The following CDC42EP4 variants were observed in gnomAD, a reference collection of about 807,000 sequenced individuals.
CDC42EP4 encodes the protein CDC42 effector protein 4.
CDC42EP4 carries 6 observed loss-of-function variants against 5.6 expected under a neutral mutation model. The ratio of observed to expected loss-of-function variants is 1.07; its 90% CI spans 0.59 to 2.12. CDC42EP4 has a LOEUF of 2.12. Among genes scored for constraint, CDC42EP4 ranks in the 30% most tolerant of loss-of-function variants. The pLI is 0.00. For missense variants in CDC42EP4, 490 were observed against 508.6 expected (o/e 0.96, Z 0.35); for synonymous variants, 230 against 224.2 (o/e 1.03, Z -0.23).
chr17:73,288,154 G>A (rs989725807), intron 1 of CDC42EP4, among the ~76,000 whole-genome samples: 7 of 152,046 alleles, frequency 4.6e-5, no homozygotes, highest in African/African-American at 1.4e-4. Context: ...TGCCCCCCAC[G>A]GCACTTTGGG....
intron 1 of CDC42EP4, among the ~76,000 whole-genome samples, chr17:73,300,480 T>C (rs570934685): frequency 1.4e-3 from 216 of 152,294 alleles, no homozygotes; most frequent in African/African-American, 5.0e-3. Flanking sequence ...ACTTTATGCC[T>C]TCTCTCTATG....
At chr17:73,301,218 A>C (rs2062217776) in intron 1 of CDC42EP4, among the ~76,000 whole-genome samples, 1 of 152,224 alleles carries the variant, frequency 6.6e-6, no homozygotes, top group Non-Finnish European at 1.5e-5. Flanking sequence ...ATAGTGAGTC[A>C]AAATGTACCA....
intron 1 of CDC42EP4, among the ~76,000 whole-genome samples, chr17:73,310,610 G>A (rs537303370): frequency 6.6e-6 from 1 of 152,256 alleles, no homozygotes; most frequent in African/African-American, 2.4e-5. Context: ...CAGAGGCAAC[G>A]AGAAAAGAAA....
At chr17:73,299,429 TAAA>T (rs1286695604) in intron 1 of CDC42EP4, among the ~76,000 whole-genome samples, 1 of 113,362 alleles carries the variant, frequency 8.8e-6, no homozygotes, top group African/African-American at 3.5e-5. Flanking sequence ...GACTCCGTCC[TAAA>T]AAAAAAAAAA....
At chr17:73,293,422 G>C (rs1599432929) in intron 1 of CDC42EP4, among the ~76,000 whole-genome samples, 1 of 152,328 alleles carries the variant, frequency 6.6e-6, no homozygotes, top group East Asian at 1.9e-4. Flanking sequence ...GGAGGGCCCA[G>C]ACCAGGGAGG....
rs1208579934 is a variant in CDC42EP4 at position 73,308,925 on chromosome 17, C to T, written c.-113+2968G>A. 4.0e-5 allele frequency among the ~76,000 whole-genome samples: 6 copies of T among 149,502 alleles called. No individual in the cohort carries two copies. The Admixed American group carries it at 4.1e-4, about 10-fold the overall frequency. On this transcript the variant is annotated intron_variant, in intron 1 of 1. Coordinates refer to ENST00000335793, the MANE Select transcript of CDC42EP4 (RefSeq NM_012121.5). ...TGGTGGCATGCACCTATAATCCCAG[C>T]TACTGCAGAGGCTGAGGCAGGAGAA...
intron 1 of CDC42EP4, among the ~76,000 whole-genome samples, chr17:73,296,630 C>T (rs7215912): frequency 0.25 from 37,236 of 151,748 alleles, 4,969 homozygotes; most frequent in Middle Eastern, 0.31. Context: ...GAGGCCAAGG[C>T]GAAGGTCAGG....
intron 1 of CDC42EP4, among the ~76,000 whole-genome samples, chr17:73,287,930 A>G (rs1480093428): frequency 3.3e-5 from 5 of 151,826 alleles, no homozygotes; most frequent in Non-Finnish European, 7.4e-5. Context: ...CTAAAACAAA[A>G]CCCATCCACA....
intron 1 of CDC42EP4, among the ~76,000 whole-genome samples, chr17:73,293,581 C>T (rs912718810): frequency 3.9e-5 from 6 of 152,106 alleles, no homozygotes; most frequent in Non-Finnish European, 8.8e-5. Context: ...TTCACTTTGC[C>T]GAAACACAGG....
chr17:73,303,345 AAAACAAAC>A (rs535343133), intron 1 of CDC42EP4, among the ~76,000 whole-genome samples: 10 of 149,518 alleles, frequency 6.7e-5, no homozygotes, highest in Non-Finnish European at 1.0e-4. Context: ...CTCCATCTCA[AAAACAAAC>A]AAACAAACAA....
intron 1 of CDC42EP4, among the ~76,000 whole-genome samples, chr17:73,293,916 G>A (rs1227924870): frequency 1.3e-5 from 2 of 152,182 alleles, no homozygotes; most frequent in Non-Finnish European, 2.9e-5. Context: ...TGTGATTTTA[G>A]CTGACTTTAG....
chr17:73,288,932 C>T (rs1050327842), intron 1 of CDC42EP4, among the ~76,000 whole-genome samples: 3 of 152,194 alleles, frequency 2.0e-5, no homozygotes, highest in Non-Finnish European at 4.4e-5. Flanking sequence ...TGGGCGAGGA[C>T]GTGAGGGATG....
In CDC42EP4 at chr17:73,285,593, G is replaced by C; in HGVS notation, c.908C>G (p.Thr303Ser). ...GGAGAGGGAGCTGCTGTCCCGTGTG[G>C]TGTGGCTGCCCATGCTGCGGGCTGA... Reference protein sequence around the residue: ...PGSARSMGSHTTRDSSSLSSC... With the variant: ...PGSARSMGSHSTRDSSSLSSC... Residue 303 changes from threonine to serine, a missense_variant, in exon 2 of 2, where the codon ACC (threonine) becomes AGC (serine). Coordinates refer to ENST00000335793, the MANE Select transcript of CDC42EP4 (RefSeq NM_012121.5). The surrounding 1 kb of genome is among the most constrained non-coding windows in gnomAD (Gnocchi z 6.8). 6.2e-7 allele frequency: 1 copy of C among 1,610,528 alleles called. No individual in the cohort carries two copies. Among genetic ancestry groups the C allele is most frequent in the South Asian group, 1.1e-5 (1 of 91,004 alleles).
chr17:73,307,867 C>T (rs891886310), intron 1 of CDC42EP4, among the ~76,000 whole-genome samples: 3 of 151,088 alleles, frequency 2.0e-5, no homozygotes, highest in Non-Finnish European at 4.4e-5. Flanking sequence ...TCAGCTTCCC[C>T]AGTAGCTGGG....
In CDC42EP4 at chr17:73,285,824, T is replaced by C. The variant is rs762083495; in HGVS notation, c.677A>G (p.Asp226Gly). 1.2e-6 allele frequency: 2 copies of C among 1,612,336 alleles called. No homozygotes were observed. Among genetic ancestry groups the C allele is most frequent in the Non-Finnish European group, 8.5e-7 (1 of 1,178,582 alleles). ...CTCCTCGGGGTCCCACTCCTCCTTGTCCATGATGCTGAGGACGTCACCCAG... is the reference window on the plus strand; with the variant it reads ...CTCCTCGGGGTCCCACTCCTCCTTGCCCATGATGCTGAGGACGTCACCCAG... ...SMLGDVLSIM[D>G]KEEWDPEEGE... Residue 226 changes from aspartate (D) to glycine (G), a missense_variant, in exon 2 of 2, where the codon GAC (aspartate) becomes GGC (glycine). By Grantham distance (94) the Asp-to-Gly change is moderately conservative. Coordinates refer to ENST00000335793, the MANE Select transcript of CDC42EP4 (RefSeq NM_012121.5). This position sits in a 1 kb window ranked among gnomAD's most constrained non-coding sequence, Gnocchi z 6.8.
chr17:73,294,144 A>C lies in CDC42EP4; in HGVS notation c.-112-7532T>G, dbSNP rs1455195098. ...GGCGGGTGGATCTCCTGAGGTCAGG[A>C]GTTCGAGACCAGCCTGGCCAACATG... On this transcript the variant is annotated intron_variant, in intron 1 of 1. Transcript: ENST00000335793. Among the ~76,000 whole-genome samples, 4 of 152,240 alleles carry C rather than the reference A, an allele frequency of 2.6e-5. No individual in the cohort carries two copies. The East Asian group carries it at 7.7e-4, about 29-fold the overall frequency.
rs1198491461 is a variant in CDC42EP4, at chr17:73,285,333, C to G, written c.*97G>C. On this transcript the variant is annotated 3_prime_UTR_variant, in exon 2 of 2. Coordinates refer to ENST00000335793, the MANE Select transcript of CDC42EP4 (RefSeq NM_012121.5). This position sits in a 1 kb window ranked among gnomAD's most constrained non-coding sequence, Gnocchi z 6.8. ...AGGGTCCATGGTCTGAATCAAGGGT[C>G]CTGGCTGCCCCTGCGCCGTAGGGTC... The G allele has an allele frequency of 2.0e-5, 20 of 979,008 alleles. No individual in the cohort carries two copies. The Admixed American group carries it at 3.7e-4, about 18-fold the overall frequency. 60.6% of individuals were successfully genotyped at this position (979,008 alleles called of 1,614,324 possible).
Position 73,290,382 on chromosome 17 carries a change from G to A in CDC42EP4, c.-112-3770C>T, listed in dbSNP as rs562998266. 6.2e-4 allele frequency among the ~76,000 whole-genome samples: 95 copies of A among 152,252 alleles called. 1 individual carries two copies. Among genetic ancestry groups the A allele is most frequent in the African/African-American group, 1.6e-3 (68 of 41,542 alleles). Reference sequence around the variant, plus strand: ...CTGGCCGGCAGGGTACAGAGAAGGGGGTACCCAACAGCTGCTTCAAGAAGG... The same window carrying A: ...CTGGCCGGCAGGGTACAGAGAAGGGAGTACCCAACAGCTGCTTCAAGAAGG... On this transcript the variant is annotated intron_variant, in intron 1 of 1. Coordinates refer to ENST00000335793, the MANE Select transcript of CDC42EP4 (RefSeq NM_012121.5).
intron 1 of CDC42EP4, among the ~76,000 whole-genome samples, chr17:73,292,609 CA>C (rs1372210290): frequency 2.0e-5 from 3 of 152,064 alleles, no homozygotes; most frequent in Non-Finnish European, 2.9e-5. Context: ...GTGTGGGAGT[CA>C]GGGGGTCTGG....
Sources: gnomAD v4.1 joint callset for allele counts (sites outside exome capture counted in the v4.1 genomes callset) on GRCh38, gnomAD v4.1.1 for gene constraint, Gnocchi (gnomAD v3.1) non-coding constraint, MANE v1.5 for transcripts, NCBI Gene and HGNC (gene_info 2026-07-23, HGNC 2026-07-21) for gene names.